Variants in SLC29A4 observed in about 807,000 individuals in gnomAD.
The protein encoded by SLC29A4 is equilibrative nucleoside transporter 4.
SLC29A4 carries 36 observed loss-of-function variants against 43.9 expected under a neutral mutation model. The observed-to-expected ratio is 0.82, with a 90% CI of 0.63 to 1.08. SLC29A4 has a LOEUF of 1.08. Among genes scored for constraint, SLC29A4 ranks in the 50% least tolerant of loss-of-function variants. The pLI is 0.00. For synonymous variants in SLC29A4, 491 were observed against 338.0 expected (o/e 1.45, Z -4.97); for missense variants, 869 against 755.3 (o/e 1.15, Z -1.77).
chr7:5,298,891 G>T (rs1366068662), intron 7 of SLC29A4, 97 bp from the exon 8 acceptor site: 23 of 1,388,652 alleles, frequency 1.7e-5, no homozygotes, highest in Non-Finnish European at 2.1e-5. Context: ...GTCAGCGCCA[G>T]CCCCAGTGCG....
intron 5 of SLC29A4, among the ~76,000 whole-genome samples, chr7:5,293,778 T>G (rs1785465277): frequency 6.6e-6 from 1 of 152,284 alleles, no homozygotes; most frequent in African/African-American, 2.4e-5. Context: ...TAGCTGGGAT[T>G]ACAGGCACAG....
chr7:5,292,760 A>G (rs1289852491), intron 5 of SLC29A4, among the ~76,000 whole-genome samples: 1 of 120,336 alleles, frequency 8.3e-6, no homozygotes, highest in Non-Finnish European at 1.6e-5. Flanking sequence ...GTGCAGTGGC[A>G]CCATCTCAAC....
rs1351725206 is a variant in SLC29A4 at position 5,300,330 on chromosome 7, T to A, written c.1210-92T>A. 3.8e-6 allele frequency: 6 copies of A among 1,584,228 alleles called. No homozygotes were observed. The African/African-American group carries it at 6.8e-5, about 18-fold the overall frequency. ...TGAGCTGGACAGGCCCAGGAGTGTT[T>A]AGGGATGGGGATGTGGCTAGAGGCT... On this transcript the variant is annotated intron_variant, in intron 9 of 10. Coordinates refer to ENST00000396872, the MANE Select transcript of SLC29A4 (RefSeq NM_153247.4).
intron 1 of SLC29A4, among the ~76,000 whole-genome samples, chr7:5,286,223 G>C (rs138984802): frequency 6.6e-6 from 1 of 151,892 alleles, no homozygotes. Flanking sequence ...ATGAATACAC[G>C]TTATTAGAAA....
At chr7:5,286,874 C>T (rs1293292489) in intron 1 of SLC29A4, among the ~76,000 whole-genome samples, 1 of 152,212 alleles carries the variant, frequency 6.6e-6, no homozygotes, top group African/African-American at 2.4e-5. Context: ...AAGGCAGCTT[C>T]CTCCCAGAGG....
chr7:5,289,862 C>T (rs895601931), intron 2 of SLC29A4, among the ~76,000 whole-genome samples: 12 of 151,906 alleles, frequency 7.9e-5, no homozygotes, highest in African/African-American at 2.7e-4. Context: ...AGGGTGTTCA[C>T]TCTTCTCCTT....
intron 7 of SLC29A4, 117 bp downstream of exon 7, chr7:5,297,315 C>T (rs1224376340): frequency 9.0e-6 from 11 of 1,228,180 alleles, no homozygotes; most frequent in South Asian, 1.6e-5. Flanking sequence ...GTGGTCTCCT[C>T]CTGTGGTGGA....
chr7:5,299,275 A>C lies in SLC29A4; in HGVS notation c.1057A>C (p.Ile353Leu). The C allele has an allele frequency of 6.2e-7, 1 of 1,612,010 alleles. No individual in the cohort carries two copies. Among genetic ancestry groups the C allele is most frequent in the Non-Finnish European group, 8.5e-7 (1 of 1,179,938 alleles). ...LLHRYVVARV[I>L]WADMLSIAVT... is the part of the protein sequence containing the mutation. ...GCACCGCTACGTGGTGGCGCGGGTG[A>C]TCTGGGCCGACATGCTCTCCATCGC... The change falls in exon 9 of 11, where the codon ATC becomes CTC. Residue 353 changes from isoleucine (I) to leucine (L), a missense_variant. Transcript: ENST00000396872.
At chr7:5,294,575 G>A (rs1417913814) in intron 5 of SLC29A4, among the ~76,000 whole-genome samples, 1 of 152,082 alleles carries the variant, frequency 6.6e-6, no homozygotes, top group Non-Finnish European at 1.5e-5. Flanking sequence ...CTGCCCATGG[G>A]AAGAAGAAAG....
At chr7:5,283,270 C>T (rs1458199715) in intron 1 of SLC29A4, among the ~76,000 whole-genome samples, 188 bp downstream of exon 1, 1 of 151,452 alleles carries the variant, frequency 6.6e-6, no homozygotes, top group Admixed American at 6.6e-5. Flanking sequence ...CCCCCGCGCC[C>T]GGCGACAAGC....
At chr7:5,285,317 G>A (rs554716993) in intron 1 of SLC29A4, among the ~76,000 whole-genome samples, 3 of 142,444 alleles carry the variant, frequency 2.1e-5, no homozygotes, top group South Asian at 2.5e-4. Context: ...CAGGGCTGAC[G>A]AGGGGCAGTC....
In SLC29A4 at chr7:5,300,628, A is replaced by G. The variant is rs1173581114; in HGVS notation, c.1416A>G (p.Ala472=). The change falls in exon 10 of 11, where the codon GCA becomes GCG. Residue 472 remains alanine (A), a synonymous_variant. Transcript: ENST00000396872. ...GCAGCGTGCCCATGATCCTGGCGGCAGGCAAAGTGAGCCCCAAGCAGCGGG... is the reference window on the plus strand; with the variant it reads ...GCAGCGTGCCCATGATCCTGGCGGCGGGCAAAGTGAGCCCCAAGCAGCGGG... The part of the protein sequence containing the change: ...YFGSVPMILA[A]GKVSPKQREL... 3.1e-6 allele frequency: 5 copies of G among 1,609,814 alleles called. No homozygotes were observed. In the East Asian group the frequency reaches 6.7e-5, roughly 22 times the overall value.
chr7:5,297,148 G>C lies in SLC29A4; in HGVS notation c.832G>C (p.Gly278Arg), dbSNP rs1785747880. The change falls in exon 7 of 11, where the codon GGC (glycine) becomes CGC (arginine). Residue 278 changes from glycine to arginine, a missense_variant. Gly to Arg is a moderately radical substitution (Grantham distance 125, BLOSUM62 -2). Coordinates refer to ENST00000396872, the MANE Select transcript of SLC29A4 (RefSeq NM_153247.4). ...SHRGRPGLGRGYGYRVHHDVV... is the reference protein window; with the variant it reads ...SHRGRPGLGRRYGYRVHHDVV... ...CCGGGGCAGGCCAGGCCTGGGCAGG[G>C]GCTATGGCTACCGCGTGCACCACGA... The C allele has an allele frequency of 1.2e-6, 2 of 1,601,478 alleles. No individual in the cohort carries two copies. Among genetic ancestry groups the C allele is most frequent in the African/African-American group, 1.3e-5 (1 of 74,710 alleles).
Position 5,291,256 on chromosome 7 carries a change from C to G in SLC29A4, c.415+19C>G. On this transcript the variant is annotated intron_variant, in intron 4 of 10. Coordinates refer to ENST00000396872, the MANE Select transcript of SLC29A4 (RefSeq NM_153247.4). ...ACCGCAGGTGCGCTGGGCCCCGCCA[C>G]GGGACACCTGCCTGTCATGGCTTCC... The G allele has an allele frequency of 6.2e-7, 1 of 1,603,128 alleles. No homozygotes were observed. Among genetic ancestry groups the G allele is most frequent in the Non-Finnish European group, 8.5e-7 (1 of 1,174,724 alleles).
intron 2 of SLC29A4, among the ~76,000 whole-genome samples, chr7:5,288,942 C>T (rs142095764): frequency 1.3e-3 from 200 of 152,242 alleles, no homozygotes; most frequent in Middle Eastern, 6.8e-3. Context: ...CTGTGACCCT[C>T]GGTGTCTTCT....
chr7:5,299,250 G>A lies in SLC29A4; in HGVS notation c.1032G>A (p.Leu344=), dbSNP rs1562454224. Residue 344 remains leucine, a synonymous_variant, in exon 9 of 11, where the codon CTG becomes CTA. Transcript: ENST00000396872. ...RSWPTFRALL[L]HRYVVARVIW... ...CCCGCCACCCTCCAGCCCTGTTACT[G>A]CACCGCTACGTGGTGGCGCGGGTGA... 2.0e-5 allele frequency: 33 copies of A among 1,611,898 alleles called. No individual in the cohort carries two copies. Among genetic ancestry groups the A allele is most frequent in the Non-Finnish European group, 2.7e-5 (32 of 1,179,672 alleles).
At chr7:5,296,618 G>GGCTGAGTGGGGGCGGA (rs1232605457) in intron 6 of SLC29A4, among the ~76,000 whole-genome samples, 1 of 118,200 alleles carries the variant, frequency 8.5e-6, no homozygotes, top group African/African-American at 3.3e-5. Flanking sequence ...AGCTGGGCGT[G>GGCTGAGTGGGGGCGGA]GCTGAGTGGG....
Position 5,297,074 on chromosome 7 carries a change from G to T in SLC29A4, c.758G>T (p.Arg253Leu). 1.2e-6 allele frequency: 2 copies of T among 1,607,944 alleles called. No individual in the cohort carries two copies. Among genetic ancestry groups the T allele is most frequent in the Non-Finnish European group, 8.5e-7 (1 of 1,179,720 alleles). ...LLCFLLHLLV[R>L]RSRFVLFYTT... is the part of the protein sequence containing the mutation. ...TGTTTCCTGCTGCACCTGTTAGTGC[G>T]GCGCAGCCGCTTCGTGCTCTTCTAT... Residue 253 changes from arginine to leucine, a missense_variant, in exon 7 of 11, where the codon CGG (arginine) becomes CTG (leucine). Coordinates refer to ENST00000396872, the MANE Select transcript of SLC29A4 (RefSeq NM_153247.4).
Position 5,297,189 on chromosome 7 carries a change from C to G in SLC29A4, c.873C>G (p.Asp291Glu). The G allele has an allele frequency of 6.3e-7, 1 of 1,587,478 alleles. No homozygotes were observed. Among genetic ancestry groups the G allele is most frequent in the Non-Finnish European group, 8.5e-7 (1 of 1,172,062 alleles). Residue 291 changes from aspartate to glutamate, a missense_variant, in exon 7 of 11, where the codon GAC becomes GAG. Asp to Glu is a conservative substitution (Grantham distance 45). Transcript: ENST00000396872. ...YRVHHDVVAG[D>E]VHFEHPAPAL... ...TGCACCACGACGTTGTCGCCGGGGA[C>G]GTCCACTTCGTAAGTGCGCACCGCC... is the stretch of plus-strand genomic sequence containing the variant.
Sources: allele counts gnomAD v4.1 joint callset (sites outside exome capture counted in the v4.1 genomes callset), GRCh38; gene constraint gnomAD v4.1.1; transcripts MANE v1.5; gene names NCBI Gene and HGNC (gene_info 2026-07-23, HGNC 2026-07-21).